The following ALOX5 variants were observed in gnomAD, a reference collection of about 807,000 sequenced individuals.
ALOX5 encodes the protein arachidonate 5-lipoxygenase.
In ALOX5, 64 loss-of-function variants were observed where a neutral mutation model predicts 87.9. The ratio of observed to expected loss-of-function variants is 0.73; its 90% CI spans 0.60 to 0.90. ALOX5 has a LOEUF of 0.90. Ranked by LOEUF, ALOX5 falls within the 40% of genes least tolerant of loss-of-function variation. The pLI is 0.00. For missense variants in ALOX5, 822 were observed against 907.5 expected, an observed-to-expected ratio of 0.91 and a Z score of 1.21; for synonymous variants, 388 against 355.1, an observed-to-expected ratio of 1.09 and a Z score of -1.04.
chr10:45,375,145 C>G (rs956192563), intron 1 of ALOX5, among the ~76,000 whole-genome samples: 1 of 152,158 alleles, frequency 6.6e-6, no homozygotes, highest in Non-Finnish European at 1.5e-5. Context: ...AGGAACAGAA[C>G]CCAGGCCAGG....
At chr10:45,387,948 G>T (rs1840062528) in intron 2 of ALOX5, among the ~76,000 whole-genome samples, 1 of 152,190 alleles carries the variant, frequency 6.6e-6, no homozygotes, top group Non-Finnish European at 1.5e-5. Flanking sequence ...TTGTTGGACA[G>T]TGGGGGCAGA....
In ALOX5 at chr10:45,443,429, G is replaced by C; in HGVS notation, c.1465G>C (p.Val489Leu). The change falls in exon 11 of 14, where the codon GTG becomes CTG. Residue 489 changes from valine to leucine, a missense_variant. Coordinates refer to ENST00000374391, the MANE Select transcript of ALOX5 (RefSeq NM_000698.5). ...CCCCTGAGCCAGGTTCACGGCCGAG[G>C]TGGTAGACATCTACTACGAGGGCGA... ...WEAIRTFTAE[V>L]VDIYYEGDQV... 2 of 1,607,304 alleles carry C rather than the reference G, an allele frequency of 1.2e-6. No homozygotes were observed. The highest frequency in any genetic ancestry group is 1.7e-6 in the Non-Finnish European group (2 of 1,177,222).
At chr10:45,429,101 C>T (rs992920779) in intron 7 of ALOX5, among the ~76,000 whole-genome samples, 5 of 152,316 alleles carry the variant, frequency 3.3e-5, no homozygotes, top group African/African-American at 1.2e-4. Flanking sequence ...AGACCAAGAC[C>T]ACTGAGGGGC....
chr10:45,438,198 A>T (rs1019800710), intron 7 of ALOX5, among the ~76,000 whole-genome samples: 1 of 151,308 alleles, frequency 6.6e-6, no homozygotes, highest in Non-Finnish European at 1.5e-5. Context: ...TAGGACTTCC[A>T]GTACTCTATT....
At chr10:45,441,622 C>T (rs1445935346) in intron 9 of ALOX5, 192 bp downstream of exon 9, 6 of 539,824 alleles carry the variant, frequency 1.1e-5, no homozygotes, top group East Asian at 3.1e-5. Flanking sequence ...CCTCCAGGCG[C>T]ACCACCAGGT....
rs76527633 is a variant in ALOX5 at position 45,387,630 on chromosome 10, C to T, written c.349+4949C>T. ...AGGCCAGAGTTAGGCATGTACTGTG[C>T]CTGCCAAGCCCAGTGAGAACCAAGC... On this transcript the variant is annotated intron_variant, in intron 2 of 13. Coordinates refer to ENST00000374391, the MANE Select transcript of ALOX5 (RefSeq NM_000698.5). Among the ~76,000 whole-genome samples the T allele has an allele frequency of 1.4e-4, 21 of 152,242 alleles. No individual in the cohort carries two copies. In the East Asian group the frequency reaches 3.3e-3, roughly 24 times the overall value.
rs900571750 is a variant in ALOX5 at position 45,445,039 on chromosome 10, G to A, written c.1846-469G>A. On this transcript the variant is annotated intron_variant, in intron 13 of 13. Transcript: ENST00000374391. ...CTCTGCCCCGCAGACATCTGTGTGA[G>A]AATGCAAATAAGCACAGGACCCCAA... 1.2e-3 allele frequency among the ~76,000 whole-genome samples: 182 copies of A among 152,238 alleles called. 1 individual carries two copies. Among genetic ancestry groups the A allele is most frequent in the Non-Finnish European group, 2.9e-4 (20 of 68,036 alleles).
At chr10:45,375,245 G>A (rs1001200013) in intron 1 of ALOX5, among the ~76,000 whole-genome samples, 15 of 152,192 alleles carry the variant, frequency 9.9e-5, no homozygotes, top group African/African-American at 3.4e-4. Flanking sequence ...GGACGCGAGG[G>A]AGCCCTCAGC....
At chr10:45,434,063 G>T (rs1841992795) in intron 7 of ALOX5, among the ~76,000 whole-genome samples, 3 of 152,188 alleles carry the variant, frequency 2.0e-5, no homozygotes, top group African/African-American at 7.2e-5. Context: ...ATTTCTCAGG[G>T]CTAGCTAGGT....
chr10:45,410,498 G>T (rs2132756934), intron 3 of ALOX5, among the ~76,000 whole-genome samples: 1 of 152,282 alleles, frequency 6.6e-6, no homozygotes. Flanking sequence ...CTGTCAGAAG[G>T]ATCATACCCG....
At chr10:45,415,410 G>T (rs139560940) in intron 4 of ALOX5, among the ~76,000 whole-genome samples, 1 of 152,092 alleles carries the variant, frequency 6.6e-6, no homozygotes, top group East Asian at 1.9e-4. Flanking sequence ...ACAGGAAGGG[G>T]AACATCACAC....
At chr10:45,402,649 T>G (rs1354904410) in intron 3 of ALOX5, among the ~76,000 whole-genome samples, 1 of 152,160 alleles carries the variant, frequency 6.6e-6, no homozygotes, top group Non-Finnish European at 1.5e-5. Context: ...CAAACAAGAC[T>G]CAGAACATAT....
intron 4 of ALOX5, among the ~76,000 whole-genome samples, chr10:45,412,718 C>G (rs772302096): frequency 1.3e-4 from 20 of 152,148 alleles, no homozygotes; most frequent in Non-Finnish European, 2.2e-4. Context: ...GACATATGTC[C>G]CCTGTTCCTC....
At chr10:45,431,102 A>G (rs1055059591) in intron 7 of ALOX5, among the ~76,000 whole-genome samples, 3 of 152,250 alleles carry the variant, frequency 2.0e-5, no homozygotes, top group Admixed American at 6.5e-5. Flanking sequence ...ACCCATAAGG[A>G]TAAAGTTTAT....
chr10:45,401,097 C>T (rs1406478610), intron 3 of ALOX5, among the ~76,000 whole-genome samples: 1 of 152,170 alleles, frequency 6.6e-6, no homozygotes, highest in African/African-American at 2.4e-5. Flanking sequence ...AGATATTCTT[C>T]AGGCTTCCCC....
intron 2 of ALOX5, among the ~76,000 whole-genome samples, chr10:45,393,288 G>T (rs1588996003): frequency 6.6e-6 from 1 of 152,192 alleles, no homozygotes; most frequent in Non-Finnish European, 1.5e-5. Context: ...GGGATGCAAA[G>T]CTGGTTCAAC....
At chr10:45,384,833 CTATTATTAT>C (rs369749993) in intron 2 of ALOX5, among the ~76,000 whole-genome samples, 2 of 149,156 alleles carry the variant, frequency 1.3e-5, no homozygotes, top group African/African-American at 4.9e-5. Context: ...AATTTGTGGC[CTATTATTAT>C]TATTATTATT....
intron 2 of ALOX5, among the ~76,000 whole-genome samples, chr10:45,394,706 T>G (rs1202584831): frequency 2.6e-5 from 4 of 152,150 alleles, no homozygotes; most frequent in East Asian, 1.9e-4. Flanking sequence ...AATCTACTCA[T>G]CTGACAAAGG....
intron 2 of ALOX5, among the ~76,000 whole-genome samples, chr10:45,386,048 T>A (rs898440119): frequency 1.3e-5 from 2 of 151,882 alleles, no homozygotes; most frequent in Non-Finnish European, 2.9e-5. Context: ...ACAAAAAAAA[T>A]TGAAAATTAG....
Sources: allele counts gnomAD v4.1 joint callset (sites outside exome capture counted in the v4.1 genomes callset), GRCh38; gene constraint gnomAD v4.1.1; transcripts MANE v1.5; gene names NCBI Gene and HGNC (gene_info 2026-07-23, HGNC 2026-07-21).